The following HMGCLL1 variants were observed in gnomAD, a reference collection of about 807,000 sequenced individuals.
The protein encoded by HMGCLL1 is 3-hydroxymethyl-3-methylglutaryl-CoA lyase, cytoplasmic.
Under a neutral mutation model 39.1 loss-of-function variants are expected in HMGCLL1, and 36 were observed. The ratio of observed to expected loss-of-function variants is 0.92; its 90% CI spans 0.71 to 1.22. The LOEUF (loss-of-function observed/expected upper bound fraction) is 1.22. Among genes scored for constraint, HMGCLL1 ranks in the 50% most tolerant of loss-of-function variants. The pLI is 0.00. For missense variants in HMGCLL1, 451 were observed against 416.5 expected, an observed-to-expected ratio of 1.08 and a Z score of -0.72; for synonymous variants, 149 against 144.0, an observed-to-expected ratio of 1.03 and a Z score of -0.25.
the HMGCLL1 span, among the ~76,000 whole-genome samples, chr6:55,612,415 A>G: frequency 6.6e-6 from 1 of 152,316 alleles, no homozygotes; most frequent in East Asian, 1.9e-4. Flanking sequence ...TCAAACTGCC[A>G]TTTACATTCT....
the HMGCLL1 span, among the ~76,000 whole-genome samples, chr6:55,598,766 A>G: frequency 6.6e-6 from 1 of 152,198 alleles, no homozygotes; most frequent in African/African-American, 2.4e-5. Flanking sequence ...GTTTGCATTC[A>G]TGAGTAATAG....
At chr6:55,588,471 A>C in the HMGCLL1 span, among the ~76,000 whole-genome samples, 2 of 152,122 alleles carry the variant, frequency 1.3e-5, no homozygotes, top group African/African-American at 4.8e-5. Context: ...TAAAATTGAC[A>C]CCCTAACATC....
At chr6:55,459,891 G>A (rs1197239382) in intron 7 of HMGCLL1, among the ~76,000 whole-genome samples, 1 of 151,944 alleles carries the variant, frequency 6.6e-6, no homozygotes, top group Non-Finnish European at 1.5e-5. Flanking sequence ...CTCTGTATAT[G>A]TGTGTGTATA....
the HMGCLL1 span, among the ~76,000 whole-genome samples, chr6:55,647,000 A>G: frequency 2.0e-5 from 3 of 151,964 alleles, no homozygotes; most frequent in Non-Finnish European, 4.4e-5. Flanking sequence ...GTCTCCAGCT[A>G]TTCTTGTAGT....
chr6:55,598,537 T>C, the HMGCLL1 span, among the ~76,000 whole-genome samples: 1 of 152,192 alleles, frequency 6.6e-6, no homozygotes, highest in South Asian at 2.1e-4. Context: ...ATTGAAACCA[T>C]GCCCATTTCT....
intron 7 of HMGCLL1, among the ~76,000 whole-genome samples, chr6:55,493,861 T>C (rs763087973): frequency 9.0e-4 from 137 of 152,098 alleles, no homozygotes; most frequent in Non-Finnish European, 1.5e-3. Flanking sequence ...GCCTCCCAAG[T>C]AGCTGGGACT....
chr6:55,675,899 G>C, the HMGCLL1 span, among the ~76,000 whole-genome samples: 3 of 151,958 alleles, frequency 2.0e-5, no homozygotes, highest in African/African-American at 7.2e-5. Context: ...AATAAAATAG[G>C]AATGTTTTTT....
chr6:55,497,679 G>A (rs2127425266), intron 6 of HMGCLL1, among the ~76,000 whole-genome samples: 1 of 152,254 alleles, frequency 6.6e-6, no homozygotes, highest in Middle Eastern at 3.4e-3. Context: ...GATCTGTCAA[G>A]CTTAGGACCT....
At chr6:55,577,008 T>C (rs1235903878) in intron 1 of HMGCLL1, 1 of 1,590,102 alleles carries the variant, frequency 6.3e-7, no homozygotes, top group African/African-American at 1.3e-5. Flanking sequence ...ATCAAATCAG[T>C]GAGTGTAGAT....
chr6:55,638,142 C>T, the HMGCLL1 span, among the ~76,000 whole-genome samples: 6 of 151,884 alleles, frequency 4.0e-5, no homozygotes, highest in Non-Finnish European at 5.9e-5. Context: ...TATAGCTGGG[C>T]GTGGTGTAAT....
At chr6:55,663,709 T>C in the HMGCLL1 span, among the ~76,000 whole-genome samples, 1 of 151,740 alleles carries the variant, frequency 6.6e-6, no homozygotes, top group Non-Finnish European at 1.5e-5. Context: ...CAATGTTGGG[T>C]TCAGGTCCTG....
At chr6:55,627,889 ATATATATATAG>A in the HMGCLL1 span, among the ~76,000 whole-genome samples, 3 of 31,014 alleles carry the variant, frequency 9.7e-5, 1 homozygote, top group Admixed American at 1.1e-3. Flanking sequence ...CCTTATATAT[ATATATATATAG>A]TATATATACT....
intron 6 of HMGCLL1, among the ~76,000 whole-genome samples, chr6:55,497,076 T>G (rs1242564612): frequency 1.3e-5 from 2 of 152,150 alleles, no homozygotes; most frequent in Non-Finnish European, 2.9e-5. Flanking sequence ...TTGCAAGATC[T>G]CTTTAAGCTG....
At chr6:55,457,159 A>T (rs73445001) in intron 7 of HMGCLL1, among the ~76,000 whole-genome samples, 12,231 of 152,212 alleles carry the variant, frequency 0.08, 550 homozygotes, top group African/African-American at 0.12. Flanking sequence ...AGGAGTTGAA[A>T]CTTGAATTAT....
At chr6:55,602,295 G>A in the HMGCLL1 span, among the ~76,000 whole-genome samples, 1 of 152,040 alleles carries the variant, frequency 6.6e-6, no homozygotes, top group Admixed American at 6.6e-5. Context: ...CACAAAAAAT[G>A]AATATCCAAA....
At chr6:55,676,010 C>T in the HMGCLL1 span, among the ~76,000 whole-genome samples, 1 of 152,094 alleles carries the variant, frequency 6.6e-6, no homozygotes, top group African/African-American at 2.4e-5. Flanking sequence ...GCTTATCTGG[C>T]CACCTACAGC....
chr6:55,612,913 C>A, the HMGCLL1 span, among the ~76,000 whole-genome samples: 4 of 152,032 alleles, frequency 2.6e-5, no homozygotes. Context: ...GATAAAATCA[C>A]AAAAAGCATA....
At chr6:55,677,116 GC>G in the HMGCLL1 span, among the ~76,000 whole-genome samples, 1 of 152,162 alleles carries the variant, frequency 6.6e-6, no homozygotes, top group Non-Finnish European at 1.5e-5. Flanking sequence ...AATACTTCCG[GC>G]TGGGCACAGT....
chr6:55,535,144 G>T lies in HMGCLL1; in HGVS notation c.297+6585C>A, dbSNP rs544211196. Among the ~76,000 whole-genome samples, 8 of 152,250 alleles carry T rather than the reference G, an allele frequency of 5.3e-5. No homozygotes were observed. In the South Asian group the frequency reaches 1.7e-3, roughly 32 times the overall value. ...GAGATCATTTACTAAAGAACTAAGT[G>T]TCTTCATTCCTTCTCTGAGACCAAA... is the stretch of plus-strand genomic sequence containing the variant. On this transcript the variant is annotated intron_variant, in intron 3 of 8. Transcript: ENST00000274901.
Sources: allele counts gnomAD v4.1 joint callset (sites outside exome capture counted in the v4.1 genomes callset), GRCh38; gene constraint gnomAD v4.1.1; transcripts MANE v1.5; gene names NCBI Gene and HGNC (gene_info 2026-07-23, HGNC 2026-07-21).